The following SAMD3 variants were observed in gnomAD, a reference collection of about 807,000 sequenced individuals.
SAMD3 encodes the protein sterile alpha motif domain containing 3.
SAMD3 carries 63 observed loss-of-function variants against 58.5 expected under a neutral mutation model. That is an observed-to-expected ratio of 1.08 (90% confidence interval 0.88 to 1.33). The LOEUF (loss-of-function observed/expected upper bound fraction) is 1.33. Among genes scored for constraint, SAMD3 ranks in the 40% most tolerant of loss-of-function variants. SAMD3 has a pLI of 0.00. For missense variants in SAMD3, 604 were observed against 608.4 expected (o/e 0.99, Z 0.08); for synonymous variants, 220 against 210.3 (o/e 1.05, Z -0.40).
chr6:130,293,048 C>T (rs1226013634), intron 2 of SAMD3, among the ~76,000 whole-genome samples: 1 of 152,202 alleles, frequency 6.6e-6, no homozygotes, highest in Non-Finnish European at 1.5e-5. Context: ...TAAGTTACTG[C>T]TTTCTCCTTG....
intron 1 of SAMD3, among the ~76,000 whole-genome samples, chr6:130,218,731 G>C (rs1796103440): frequency 1.3e-5 from 2 of 152,102 alleles, no homozygotes; most frequent in Admixed American, 6.5e-5. Flanking sequence ...TCTTGATTTG[G>C]AATCTAAATA....
At chr6:130,358,864 G>T (rs892119209) in intron 1 of SAMD3, among the ~76,000 whole-genome samples, 5 of 151,996 alleles carry the variant, frequency 3.3e-5, no homozygotes, top group African/African-American at 1.2e-4. Context: ...TAGATCTTTT[G>T]TCTAATGCTG....
Position 130,154,891 on chromosome 6 carries a change from C to A in SAMD3, c.957G>T (p.Met319Ile), listed in dbSNP as rs1439458657. The A allele has an allele frequency of 1.2e-6, 2 of 1,613,408 alleles. No individual in the cohort carries two copies. The highest frequency in any genetic ancestry group is 1.7e-5 in the Admixed American group (1 of 59,974). ...CCTTCAGAGGTGTTCGGCTGCCAAT[C>A]ATCTTTCTTCTTATTTCCAAAGTTT... ...MSQTLEIRRK[M>I]IGSRTPLKDI... The change falls in exon 9 of 12, where the codon ATG (methionine) becomes ATT (isoleucine). Residue 319 changes from methionine to isoleucine, a missense_variant. By Grantham distance (10) the Met-to-Ile change is conservative. Transcript: ENST00000439090.
chr6:130,264,095 G>C (rs138311647), intron 2 of SAMD3, among the ~76,000 whole-genome samples: 62 of 152,310 alleles, frequency 4.1e-4, no homozygotes, highest in African/African-American at 1.5e-3. Context: ...AAAAGCAATT[G>C]TTATGCTTGT....
At chr6:130,277,611 T>A (rs1187108849) in intron 2 of SAMD3, among the ~76,000 whole-genome samples, 2 of 152,174 alleles carry the variant, frequency 1.3e-5, no homozygotes, top group African/African-American at 4.8e-5. Context: ...TCCTTAGGAA[T>A]AACTTAGGTG....
Position 130,184,471 on chromosome 6 carries a change from T to A in SAMD3, c.536A>T (p.Gln179Leu). 6.2e-7 allele frequency: 1 copy of A among 1,614,106 alleles called. No homozygotes were observed. Among genetic ancestry groups the A allele is most frequent in the African/African-American group, 1.3e-5 (1 of 75,048 alleles). Reference sequence around the variant, plus strand: ...TTCCAGATACTTAGTCATGTCGGCCTGGAGAAACTCAATGATCCTTATCCT... The same window carrying A: ...TTCCAGATACTTAGTCATGTCGGCCAGGAGAAACTCAATGATCCTTATCCT... ...SMRIRIIEFLQADMTKYLEGS... is the reference protein window; with the variant it reads ...SMRIRIIEFLLADMTKYLEGS... Residue 179 changes from glutamine to leucine, a missense_variant, in exon 6 of 12, where the codon CAG (glutamine) becomes CTG (leucine). Gln to Leu is a moderately radical substitution (Grantham distance 113). Coordinates refer to ENST00000439090, the MANE Select transcript of SAMD3 (RefSeq NM_001017373.4).
intron 1 of SAMD3, among the ~76,000 whole-genome samples, chr6:130,330,302 G>T (rs1457985971): frequency 6.6e-6 from 1 of 152,118 alleles, no homozygotes; most frequent in Non-Finnish European, 1.5e-5. Flanking sequence ...TTGGGGTGTT[G>T]GTATAGAAGA....
At chr6:130,308,349 AATTCTATTCTATTCTATTCTATTCT>A (rs68138988) in intron 2 of SAMD3, among the ~76,000 whole-genome samples, 4,172 of 69,514 alleles carry the variant, frequency 0.06, 134 homozygotes, top group South Asian at 0.075. Context: ...AAGTTCATAG[AATTCTATTCTATTCTATTCTATTCT>A]ATTCTATTCT....
Position 130,318,080 on chromosome 6 carries a change from T to C in SAMD3, c.-303-4987A>G, listed in dbSNP as rs562742716. Among the ~76,000 whole-genome samples, 4 of 152,278 alleles carry C rather than the reference T, an allele frequency of 2.6e-5. No individual in the cohort carries two copies. The East Asian group carries it at 5.8e-4, about 22-fold the overall frequency. ...TGCATGTTAGGAAACCACCCAAGGC[T>C]GGGGGCAAGAATCTAAAGGATTAGA... On this transcript the variant is annotated intron_variant, in intron 1 of 13. Coordinates refer to the SAMD3 transcript ENST00000368134.
At chr6:130,202,279 A>G (rs1020834618) in intron 5 of SAMD3, among the ~76,000 whole-genome samples, 1 of 152,240 alleles carries the variant, frequency 6.6e-6, no homozygotes, top group African/African-American at 2.4e-5. Context: ...ACCCTCCTGT[A>G]CATTGACACA....
At chr6:130,346,676 C>G (rs889170737) in intron 1 of SAMD3, among the ~76,000 whole-genome samples, 4 of 152,218 alleles carry the variant, frequency 2.6e-5, no homozygotes, top group Non-Finnish European at 5.9e-5. Context: ...AAACAAAAGG[C>G]AGCAGAAACG....
At chr6:130,144,076 C>A, downstream of SAMD3, 2 of 159,714 alleles carry the variant, frequency 1.3e-5, no homozygotes, top group Non-Finnish European at 2.7e-5. Flanking sequence ...AGTATGTGTC[C>A]CTTCTTGAAA....
intron 5 of SAMD3, among the ~76,000 whole-genome samples, chr6:130,199,795 A>T (rs1794474658): frequency 2.0e-5 from 3 of 152,166 alleles, no homozygotes; most frequent in African/African-American, 7.2e-5. Flanking sequence ...GATGGTACCC[A>T]CCGTGAATTC....
At chr6:130,261,486 T>C (rs1048245662) in intron 2 of SAMD3, among the ~76,000 whole-genome samples, 8 of 152,244 alleles carry the variant, frequency 5.3e-5, no homozygotes, top group Non-Finnish European at 7.3e-5. Context: ...CTTGATACTT[T>C]GGTTTTGATT....
intron 7 of SAMD3, 150 bp from the exon 8 acceptor site, chr6:130,176,158 C>G: frequency 2.8e-6 from 2 of 707,904 alleles, no homozygotes; most frequent in Non-Finnish European, 5.0e-6. Flanking sequence ...ATCTATCCTT[C>G]CTTTTATCCT....
intron 7 of SAMD3, among the ~76,000 whole-genome samples, chr6:130,181,862 A>T (rs1792360416): frequency 6.6e-6 from 1 of 152,076 alleles, no homozygotes; most frequent in Non-Finnish European, 1.5e-5. Flanking sequence ...AAAAAACACA[A>T]GTTCTATCCT....
chr6:130,262,441 T>G, intron 2 of SAMD3, among the ~76,000 whole-genome samples: 1 of 149,612 alleles, frequency 6.7e-6, no homozygotes, highest in Non-Finnish European at 1.5e-5. Context: ...GCTATTCTGT[T>G]AGAAAAAAAA....
intron 2 of SAMD3, among the ~76,000 whole-genome samples, chr6:130,274,750 A>ATTT (rs1219798668): frequency 8.4e-6 from 1 of 119,682 alleles, no homozygotes; most frequent in Non-Finnish European, 1.7e-5. Flanking sequence ...TGGCCTAAAT[A>ATTT]TCTTTTTTTT....
intron 2 of SAMD3, among the ~76,000 whole-genome samples, chr6:130,234,106 T>G (rs529277971): frequency 6.6e-6 from 1 of 152,262 alleles, no homozygotes; most frequent in Non-Finnish European, 1.5e-5. Flanking sequence ...GAGTGATGTC[T>G]AACTCTCATC....
Sources: gnomAD v4.1 joint callset for allele counts (sites outside exome capture counted in the v4.1 genomes callset) on GRCh38, gnomAD v4.1.1 for gene constraint, MANE v1.5 for transcripts, NCBI Gene and HGNC (gene_info 2026-07-23, HGNC 2026-07-21) for gene names.